The following ADAMTSL1 variants were observed in gnomAD, a reference collection of about 807,000 sequenced individuals.
ADAMTSL1 encodes the protein ADAMTS-like protein 1.
Under a neutral mutation model 201.8 loss-of-function variants are expected in ADAMTSL1, and 126 were observed. The observed-to-expected ratio is 0.62, with a 90% CI of 0.54 to 0.72. The LOEUF (loss-of-function observed/expected upper bound fraction) is 0.72. ADAMTSL1 is among the 30% of genes least tolerant of loss of function. The pLI is 0.00. For synonymous variants in ADAMTSL1, 1,121 were observed against 903.4 expected, an observed-to-expected ratio of 1.24 and a Z score of -4.32; for missense variants, 2,679 against 2,277.8, an observed-to-expected ratio of 1.18 and a Z score of -3.59.
chr9:18,515,744 T>C (rs1209615436), intron 2 of ADAMTSL1, among the ~76,000 whole-genome samples: 2 of 152,184 alleles, frequency 1.3e-5, no homozygotes, highest in Non-Finnish European at 2.9e-5. Context: ...AGAGTGGGGA[T>C]TGCCCTAGGT....
intron 2 of ADAMTSL1, among the ~76,000 whole-genome samples, chr9:18,419,785 T>G (rs1587140448): frequency 6.8e-6 from 1 of 147,252 alleles, no homozygotes; most frequent in Admixed American, 7.1e-5. Flanking sequence ...CAGGCTGGAG[T>G]GCAGTGCGAT....
intron 1 of ADAMTSL1, among the ~76,000 whole-genome samples, chr9:18,118,067 T>A (rs1382641394): frequency 5.3e-5 from 8 of 152,138 alleles, no homozygotes; most frequent in Admixed American, 5.2e-4. Context: ...AGCACAAAAA[T>A]AAATTCCTAT....
chr9:18,212,275 A>G (rs1435590405), intron 2 of ADAMTSL1, among the ~76,000 whole-genome samples: 1 of 152,134 alleles, frequency 6.6e-6, no homozygotes, highest in Non-Finnish European at 1.5e-5. Context: ...TGGTAGGAGG[A>G]AGATTGACGT....
intron 1 of ADAMTSL1, among the ~76,000 whole-genome samples, chr9:17,978,961 G>GTT (rs57502483): frequency 0.011 from 1,670 of 148,338 alleles, 24 homozygotes; most frequent in African/African-American, 0.03. Flanking sequence ...TTGGTTGACA[G>GTT]TTTTTTTTTT....
At chr9:18,353,560 A>G (rs1836073067) in intron 2 of ADAMTSL1, among the ~76,000 whole-genome samples, 2 of 152,218 alleles carry the variant, frequency 1.3e-5, no homozygotes, top group African/African-American at 4.8e-5. Flanking sequence ...CTGACTTTGA[A>G]TTCAAATATT....
intron 3 of ADAMTSL1, among the ~76,000 whole-genome samples, chr9:18,558,527 T>C (rs1219907262): frequency 1.3e-5 from 2 of 152,188 alleles, no homozygotes; most frequent in African/African-American, 4.8e-5. Flanking sequence ...ATATACCAAG[T>C]AATGGGATTG....
intron 23 of ADAMTSL1, among the ~76,000 whole-genome samples, chr9:18,884,955 C>G (rs2104596): frequency 0.7 from 107,038 of 152,088 alleles, 38,315 homozygotes; most frequent in African/African-American, 0.85. Context: ...GGATTGCATT[C>G]AATCTGTAGA....
Position 17,994,335 on chromosome 9 carries a change from T to C in ADAMTSL1, c.87+87413T>C, listed in dbSNP as rs555809727. ...TAACTTTTCTATCTTTTTTTCTTTT[T>C]ACTAACTGTGCAATCAGTGTCATAG... On this transcript the variant is annotated intron_variant, in intron 1 of 29. Coordinates refer to the ADAMTSL1 transcript ENST00000680146. Among the ~76,000 whole-genome samples the C allele has an allele frequency of 3.3e-5, 5 of 152,254 alleles. No homozygotes were observed. The South Asian group carries it at 6.2e-4, about 19-fold the overall frequency.
chr9:18,482,439 C>T (rs1378202110), intron 1 of ADAMTSL1, among the ~76,000 whole-genome samples: 1 of 152,192 alleles, frequency 6.6e-6, no homozygotes, highest in East Asian at 1.9e-4. Flanking sequence ...CATTCTCCAG[C>T]TAAAGCTTTG....
intron 2 of ADAMTSL1, among the ~76,000 whole-genome samples, chr9:18,317,724 C>T (rs1055049146): frequency 3.5e-4 from 53 of 152,214 alleles, no homozygotes; most frequent in African/African-American, 1.2e-3. Context: ...CACCCTTACA[C>T]CTCTATCCCT....
intron 2 of ADAMTSL1, among the ~76,000 whole-genome samples, chr9:18,350,353 T>C (rs1171523916): frequency 6.6e-6 from 1 of 152,064 alleles, no homozygotes; most frequent in Non-Finnish European, 1.5e-5. Flanking sequence ...AGAGGTCATA[T>C]ACCTTGAGGA....
chr9:18,598,674 C>T (rs1292678036), intron 4 of ADAMTSL1, among the ~76,000 whole-genome samples: 1 of 152,082 alleles, frequency 6.6e-6, no homozygotes, highest in Non-Finnish European at 1.5e-5. Flanking sequence ...ACATAATGCT[C>T]ATCATTTCCA....
At chr9:18,726,869 G>A (rs537860661) in intron 15 of ADAMTSL1, among the ~76,000 whole-genome samples, 8 of 152,314 alleles carry the variant, frequency 5.3e-5, no homozygotes, top group African/African-American at 1.9e-4. Context: ...CATAATTCCA[G>A]GAACAGTACT....
chr9:18,628,812 C>A (rs1165969285), intron 5 of ADAMTSL1, among the ~76,000 whole-genome samples: 1 of 152,148 alleles, frequency 6.6e-6, no homozygotes, highest in Non-Finnish European at 1.5e-5. Context: ...ATATGATTTA[C>A]ATCTGTTGTA....
chr9:18,890,650 C>CCACAGGAATGATTAA (rs1010548896), intron 25 of ADAMTSL1: 2 of 455,280 alleles, frequency 4.4e-6, no homozygotes, highest in Non-Finnish European at 8.8e-6. Flanking sequence ...GGGAAGGTTT[C>CCACAGGAATGATTAA]CACAGGAATG....
intron 1 of ADAMTSL1, among the ~76,000 whole-genome samples, chr9:18,085,569 A>ATATATACACACTGTGTGTGTGTATACG (rs1563990866): frequency 1.4e-4 from 20 of 147,460 alleles, no homozygotes; most frequent in Non-Finnish European, 2.1e-4. Context: ...GTGTGTATAC[A>ATATATACACACTGTGTGTGTGTATACG]TATATACACA....
At chr9:18,153,449 A>G (rs1242793661) in intron 1 of ADAMTSL1, among the ~76,000 whole-genome samples, 1 of 152,076 alleles carries the variant, frequency 6.6e-6, no homozygotes, top group East Asian at 1.9e-4. Flanking sequence ...TCATATATTT[A>G]TAGAACTCAA....
intron 23 of ADAMTSL1, among the ~76,000 whole-genome samples, chr9:18,838,121 G>T (rs144993519): frequency 0.025 from 3,737 of 152,138 alleles, 168 homozygotes; most frequent in African/African-American, 0.085. Context: ...CAGAAGGCAA[G>T]GAGAAGCAAG....
chr9:18,524,444 C>A (rs1462414634), intron 2 of ADAMTSL1, among the ~76,000 whole-genome samples: 1 of 152,096 alleles, frequency 6.6e-6, no homozygotes, highest in Non-Finnish European at 1.5e-5. Flanking sequence ...CTTTCTCCTG[C>A]CTGATTGCCC....
Sources: allele counts gnomAD v4.1 joint callset (sites outside exome capture counted in the v4.1 genomes callset), GRCh38; gene constraint gnomAD v4.1.1; transcripts MANE v1.5; gene names NCBI Gene and HGNC (gene_info 2026-07-23, HGNC 2026-07-21).